The following OTULINL variants were observed in gnomAD, a reference collection of about 807,000 sequenced individuals.
The protein encoded by OTULINL is inactive ubiquitin thioesterase OTULINL.
In OTULINL, 42 loss-of-function variants were observed where a neutral mutation model predicts 43.9. That is an observed-to-expected ratio of 0.96 (90% CI 0.75 to 1.24). OTULINL has a LOEUF of 1.24. Ranked by LOEUF, OTULINL falls within the 50% of genes most tolerant of loss-of-function variation. The pLI is 0.00. For missense variants in OTULINL, 411 were observed against 426.4 expected (o/e 0.96, Z 0.32); for synonymous variants, 172 against 153.6 (o/e 1.12, Z -0.88).
intron 1 of OTULINL, among the ~76,000 whole-genome samples, chr5:14,586,427 A>G (rs144017329): frequency 6.6e-6 from 1 of 152,318 alleles, no homozygotes; most frequent in African/African-American, 2.4e-5. Flanking sequence ...CATTTCTAGG[A>G]GACAAAAGCC....
At chr5:14,604,536 G>T (rs751325953) in intron 5 of OTULINL, among the ~76,000 whole-genome samples, 1 of 152,216 alleles carries the variant, frequency 6.6e-6, no homozygotes, top group East Asian at 1.9e-4. Flanking sequence ...CCAAAACAAG[G>T]CAAGTCCCTT....
intron 5 of OTULINL, among the ~76,000 whole-genome samples, chr5:14,606,154 T>C (rs1290717423): frequency 6.6e-6 from 1 of 152,154 alleles, no homozygotes; most frequent in Non-Finnish European, 1.5e-5. Context: ...CTCACAATCA[T>C]GGCGGAAGTC....
chr5:14,608,566 C>T (rs13172589), intron 6 of OTULINL, among the ~76,000 whole-genome samples, 182 bp from the exon 7 acceptor site: 9,842 of 152,138 alleles, frequency 0.065, 466 homozygotes, highest in East Asian at 0.18. Context: ...ATGTTCAGTC[C>T]ACTGCAGTAT....
intron 1 of OTULINL, among the ~76,000 whole-genome samples, chr5:14,592,322 G>A (rs765053546): frequency 3.3e-5 from 5 of 152,218 alleles, no homozygotes; most frequent in Non-Finnish European, 7.3e-5. Flanking sequence ...AGAGAAAGAT[G>A]CAGAGTGGAA....
chr5:14,583,702 A>G (rs1759057376), intron 1 of OTULINL, among the ~76,000 whole-genome samples: 2 of 152,234 alleles, frequency 1.3e-5, no homozygotes, highest in African/African-American at 2.4e-5. Flanking sequence ...TTTTTTCTCC[A>G]AAACATAACT....
At chr5:14,592,114 C>T (rs1579917607) in intron 1 of OTULINL, among the ~76,000 whole-genome samples, 1 of 152,060 alleles carries the variant, frequency 6.6e-6, no homozygotes, top group African/African-American at 2.4e-5. Flanking sequence ...AGAAGACTTA[C>T]CCCTGATGTA....
At chr5:14,600,879 ATCTC>A in intron 1 of OTULINL, 82 bp from the exon 2 acceptor site, 4 of 762,550 alleles carry the variant, frequency 5.2e-6, no homozygotes, top group Non-Finnish European at 7.4e-6. Context: ...AAATTATGCA[ATCTC>A]TCTCTGCATT....
chr5:14,610,359 A>G lies in OTULINL; in HGVS notation c.*45A>G. On this transcript the variant is annotated 3_prime_UTR_variant, in exon 8 of 8. Coordinates refer to ENST00000274217, the MANE Select transcript of OTULINL (RefSeq NM_019018.3). ...GCAGTGCTCACCAGTGACGGTGGTC[A>G]CAGTTGCAATAAAGTCTCTCTCTGA... The G allele has an allele frequency of 6.3e-7, 1 of 1,586,678 alleles. No homozygotes were observed. The highest frequency in any genetic ancestry group is 8.6e-7 in the Non-Finnish European group (1 of 1,163,228).
At chr5:14,582,814 CAAAAA>C (rs57907300) in intron 1 of OTULINL, among the ~76,000 whole-genome samples, 6 of 55,016 alleles carry the variant, frequency 1.1e-4, no homozygotes, top group Admixed American at 4.7e-4. Flanking sequence ...TTGCTCTGTC[CAAAAA>C]AAAAAAAAAA....
chr5:14,595,891 G>A (rs1759279643), intron 1 of OTULINL, among the ~76,000 whole-genome samples: 1 of 152,004 alleles, frequency 6.6e-6, no homozygotes, highest in Non-Finnish European at 1.5e-5. Flanking sequence ...AATACACTTT[G>A]CAATATAACA....
intron 1 of OTULINL, among the ~76,000 whole-genome samples, chr5:14,585,721 C>G (rs150834469): frequency 6.6e-6 from 1 of 152,188 alleles, no homozygotes; most frequent in East Asian, 1.9e-4. Flanking sequence ...CACTCTGTGA[C>G]GCTCACAACG....
At chr5:14,593,317 A>G (rs528293472) in intron 1 of OTULINL, among the ~76,000 whole-genome samples, 7 of 152,280 alleles carry the variant, frequency 4.6e-5, no homozygotes, top group African/African-American at 1.7e-4. Flanking sequence ...AATGGTTTAT[A>G]TTCAGATAGT....
Position 14,588,753 on chromosome 5 carries a change from G to T in OTULINL, c.64+6795G>T, listed in dbSNP as rs1394139584. 4.6e-5 allele frequency among the ~76,000 whole-genome samples: 7 copies of T among 152,224 alleles called. 1 individual carries two copies. ...TGTCTCTTTTGGGTACAAGATGGCTGCTGGAGCATCAGCCATCACATTTAC... is the reference window on the plus strand; with the variant it reads ...TGTCTCTTTTGGGTACAAGATGGCTTCTGGAGCATCAGCCATCACATTTAC... On this transcript the variant is annotated intron_variant, in intron 1 of 7. Transcript: ENST00000274217.
chr5:14,586,515 T>G (rs535239707), intron 1 of OTULINL, among the ~76,000 whole-genome samples: 1 of 152,392 alleles, frequency 6.6e-6, no homozygotes, highest in Non-Finnish European at 1.5e-5. Flanking sequence ...TAAAATGCTA[T>G]GCTTGATGAA....
chr5:14,593,838 TG>T (rs1218623182), intron 1 of OTULINL, among the ~76,000 whole-genome samples: 1 of 152,156 alleles, frequency 6.6e-6, no homozygotes, highest in African/African-American at 2.4e-5. Flanking sequence ...GTGGGCGCCT[TG>T]GGGGCAGTGT....
At position 14,610,207 on chromosome 5, in the gene OTULINL, A is replaced by G. The variant is rs1432875537; in HGVS notation, c.964A>G (p.Asn322Asp). ...AAAAGTGTTCAGACTGTTCAAGTTTAACTCCAGAGACTTTGAAGTCTGCTA... is the reference window on the plus strand; with the variant it reads ...AAAAGTGTTCAGACTGTTCAAGTTTGACTCCAGAGACTTTGAAGTCTGCTA... The part of the protein sequence containing the change: ...KIKVFRLFKF[N>D]SRDFEVCYPE... The change falls in exon 8 of 8, where the codon AAC becomes GAC. Residue 322 changes from asparagine (N) to aspartate (D), a missense_variant. By Grantham distance (23) the Asn-to-Asp change is conservative (BLOSUM62 1). Transcript: ENST00000274217. 1 of 1,614,064 alleles carries G rather than the reference A, an allele frequency of 6.2e-7. No individual in the cohort carries two copies. The highest frequency in any genetic ancestry group is 1.7e-5 in the Admixed American group (1 of 60,026).
At chr5:14,584,200 C>T (rs1217443260) in intron 1 of OTULINL, among the ~76,000 whole-genome samples, 1 of 152,162 alleles carries the variant, frequency 6.6e-6, no homozygotes, top group Non-Finnish European at 1.5e-5. Flanking sequence ...CCTTGCTCTT[C>T]CCACATCTGG....
intron 1 of OTULINL, among the ~76,000 whole-genome samples, chr5:14,591,686 G>C (rs1273630481): frequency 6.6e-6 from 1 of 152,118 alleles, no homozygotes; most frequent in Non-Finnish European, 1.5e-5. Flanking sequence ...CCCAGCACAG[G>C]TCCAAAGGGC....
intron 1 of OTULINL, among the ~76,000 whole-genome samples, chr5:14,589,556 G>C (rs1759163017): frequency 6.6e-6 from 1 of 152,162 alleles, no homozygotes; most frequent in African/African-American, 2.4e-5. Flanking sequence ...CAGTATGTGG[G>C]GCTTTCAGTG....
Sources: allele counts gnomAD v4.1 joint callset (sites outside exome capture counted in the v4.1 genomes callset), GRCh38; gene constraint gnomAD v4.1.1; transcripts MANE v1.5; gene names NCBI Gene and HGNC (gene_info 2026-07-23, HGNC 2026-07-21).